The following SDK1 variants were observed in gnomAD, a reference collection of about 807,000 sequenced individuals.
SDK1 encodes protein sidekick-1.
In SDK1, 157 loss-of-function variants were observed where a neutral mutation model predicts 245.5. The observed-to-expected ratio is 0.64, with a 90% CI of 0.56 to 0.73. The LOEUF is 0.73. Ranked by LOEUF, SDK1 falls within the 30% of genes least tolerant of loss-of-function variation. The pLI, the probability that SDK1 is intolerant of heterozygous loss-of-function variation, is 0.00. For missense variants in SDK1, 3,583 were observed against 3,002.3 expected, an observed-to-expected ratio of 1.19 and a Z score of -4.52; for synonymous variants, 1,647 against 1,278.5, an observed-to-expected ratio of 1.29 and a Z score of -6.15.
chr7:4,136,930 G>A (rs1022966367), intron 28 of SDK1, among the ~76,000 whole-genome samples: 7 of 152,238 alleles, frequency 4.6e-5, no homozygotes, highest in African/African-American at 9.6e-5. Context: ...TCTAGGCTCG[G>A]CCAGCGTGGG....
At chr7:3,451,185 T>G (rs2128591634) in intron 1 of SDK1, among the ~76,000 whole-genome samples, 1 of 152,148 alleles carries the variant, frequency 6.6e-6, no homozygotes, top group Middle Eastern at 3.4e-3. Flanking sequence ...GTGAGCAATG[T>G]CCTAAATCTA....
intron 1 of SDK1, among the ~76,000 whole-genome samples, chr7:3,439,348 T>C (rs1018143238): frequency 4.6e-5 from 7 of 152,228 alleles, no homozygotes; most frequent in Non-Finnish European, 8.8e-5. Context: ...TCATCATATA[T>C]GAGTAGCATG....
chr7:3,987,934 C>A (rs1213354012), intron 14 of SDK1, among the ~76,000 whole-genome samples: 1 of 152,104 alleles, frequency 6.6e-6, no homozygotes, highest in Non-Finnish European at 1.5e-5. Context: ...CCTCTCCGCT[C>A]TCCCTGGAAT....
intron 44 of SDK1, among the ~76,000 whole-genome samples, chr7:4,261,514 C>G (rs373529423): frequency 3.9e-5 from 6 of 152,254 alleles, no homozygotes; most frequent in African/African-American, 7.2e-5. Context: ...GGGCCCACAT[C>G]TGGGGCCACA....
At chr7:3,933,045 C>A (rs1488764500) in intron 5 of SDK1, among the ~76,000 whole-genome samples, 1 of 151,916 alleles carries the variant, frequency 6.6e-6, no homozygotes, top group African/African-American at 2.4e-5. Context: ...CACAGCCCAG[C>A]CAAAGCCACC....
intron 19 of SDK1, among the ~76,000 whole-genome samples, chr7:4,059,557 A>T (rs1476715894): frequency 1.3e-5 from 2 of 152,214 alleles, no homozygotes; most frequent in African/African-American, 4.8e-5. Flanking sequence ...TAACAAAGAA[A>T]CATTGGATTT....
chr7:3,665,816 G>T (rs1184854036), intron 4 of SDK1, among the ~76,000 whole-genome samples: 2 of 152,192 alleles, frequency 1.3e-5, no homozygotes, highest in Non-Finnish European at 2.9e-5. Context: ...CATGCTTGGA[G>T]TATCCAGCGT....
At chr7:3,692,879 T>C (rs1341666406) in intron 4 of SDK1, among the ~76,000 whole-genome samples, 1 of 152,028 alleles carries the variant, frequency 6.6e-6, no homozygotes, top group Non-Finnish European at 1.5e-5. Flanking sequence ...GGCAAATACA[T>C]TTCTATTTTA....
intron 1 of SDK1, among the ~76,000 whole-genome samples, chr7:3,546,520 G>A (rs1404252421): frequency 3.3e-5 from 5 of 152,226 alleles, no homozygotes; most frequent in Non-Finnish European, 5.9e-5. Context: ...AGTATACACA[G>A]CTCTGTACCA....
intron 9 of SDK1, among the ~76,000 whole-genome samples, chr7:3,965,016 A>G (rs929857189): frequency 1.3e-5 from 2 of 152,204 alleles, no homozygotes; most frequent in African/African-American, 2.4e-5. Context: ...CTATCTTGCA[A>G]TCGTGAGCTG....
chr7:3,942,445 C>G (rs1780402966), intron 5 of SDK1, among the ~76,000 whole-genome samples: 2 of 152,144 alleles, frequency 1.3e-5, no homozygotes, highest in Admixed American at 1.3e-4. Context: ...AATTCTAAAG[C>G]ATTTTTCTAA....
intron 17 of SDK1, among the ~76,000 whole-genome samples, chr7:4,019,566 C>G (rs938132515): frequency 1.3e-5 from 2 of 152,004 alleles, no homozygotes; most frequent in Admixed American, 1.3e-4. Context: ...GTGATGAGAA[C>G]CTGACTTCGA....
chr7:3,401,343 T>A (rs1051581476), intron 1 of SDK1, among the ~76,000 whole-genome samples: 1 of 152,124 alleles, frequency 6.6e-6, no homozygotes, highest in East Asian at 1.9e-4. Flanking sequence ...TTTAAACAAT[T>A]ACAATTTTCC....
At chr7:4,106,023 A>T (rs1201923235) in intron 22 of SDK1, among the ~76,000 whole-genome samples, 4 of 152,212 alleles carry the variant, frequency 2.6e-5, no homozygotes, top group African/African-American at 9.6e-5. Context: ...GAGACCAGGC[A>T]CTGGGCGGGA....
At chr7:4,241,685 T>A in intron 42 of SDK1, 108 bp from the exon 43 acceptor site, 1 of 1,392,830 alleles carries the variant, frequency 7.2e-7, no homozygotes, top group Non-Finnish European at 9.9e-7. Context: ...CTCTGGGCTC[T>A]GCGTGCAGCA....
At chr7:3,918,060 C>T (rs1487856576) in intron 5 of SDK1, among the ~76,000 whole-genome samples, 1 of 152,196 alleles carries the variant, frequency 6.6e-6, no homozygotes, top group Non-Finnish European at 1.5e-5. Flanking sequence ...TCTAGGTAGA[C>T]AAAACAGAGG....
intron 1 of SDK1, among the ~76,000 whole-genome samples, chr7:3,315,591 A>G (rs1779644962): frequency 6.6e-6 from 1 of 152,222 alleles, no homozygotes; most frequent in African/African-American, 2.4e-5. Context: ...TGATGCAGTG[A>G]GTATGATTAA....
chr7:3,836,729 A>G (rs2115081637), intron 5 of SDK1, among the ~76,000 whole-genome samples: 1 of 152,362 alleles, frequency 6.6e-6, no homozygotes, highest in South Asian at 2.1e-4. Context: ...ATACCTTAAA[A>G]TTCCACAATG....
chr7:4,084,717 T>TA (rs1319355838), intron 22 of SDK1, among the ~76,000 whole-genome samples: 1 of 120,132 alleles, frequency 8.3e-6, no homozygotes. Flanking sequence ...TTATGTTATG[T>TA]TATGTTATGT....
Sources: gnomAD v4.1 joint callset for allele counts (sites outside exome capture counted in the v4.1 genomes callset) on GRCh38, gnomAD v4.1.1 for gene constraint, MANE v1.5 for transcripts, NCBI Gene and HGNC (gene_info 2026-07-23, HGNC 2026-07-21) for gene names.